PREX2: variants seen among roughly 807,000 people sequenced by gnomAD.
PREX2 encodes the protein phosphatidylinositol-3,4,5-trisphosphate dependent Rac exchange factor 2, also known as phosphatidylinositol 3,4,5-trisphosphate-dependent Rac exchanger 2 protein.
PREX2 carries 107 observed loss-of-function variants against 203.2 expected under a neutral mutation model. The observed-to-expected ratio is 0.53, with a 90% CI of 0.45 to 0.62. The LOEUF (loss-of-function observed/expected upper bound fraction) is 0.62, where lower values mean the gene tolerates loss of function less well. Among genes scored for constraint, PREX2 ranks in the 20% least tolerant of loss-of-function variants. The pLI is 0.00. For synonymous variants in PREX2, 672 were observed against 663.6 expected, an observed-to-expected ratio of 1.01 and a Z score of -0.19; for missense variants, 1,777 against 1,955.9, an observed-to-expected ratio of 0.91 and a Z score of 1.72.
At chr8:68,220,204 G>A (rs1812928252) in intron 38 of PREX2, 1 of 151,950 alleles carries the variant, frequency 6.6e-6, no homozygotes, top group South Asian at 2.1e-4. Context: ...TCATACAGTT[G>A]TTATTTTAAT....
chr8:68,080,072 A>C (rs370375662), intron 15 of PREX2, among the ~76,000 whole-genome samples: 1 of 152,332 alleles, frequency 6.6e-6, no homozygotes, highest in East Asian at 1.9e-4. Flanking sequence ...CTACAAATTG[A>C]AAACACCATA....
At chr8:68,159,394 T>C (rs1023201739) in intron 35 of PREX2, among the ~76,000 whole-genome samples, 3 of 152,200 alleles carry the variant, frequency 2.0e-5, no homozygotes, top group Non-Finnish European at 4.4e-5. Flanking sequence ...TGAATGGCCA[T>C]ATAGTCTCTT....
intron 33 of PREX2, 53 bp downstream of exon 33, chr8:68,138,570 A>T: frequency 2.4e-6 from 2 of 826,230 alleles, no homozygotes; most frequent in Non-Finnish European, 4.0e-6. Flanking sequence ...ATTATATATG[A>T]TATAACTTTG....
chr8:68,048,559 C>T (rs187648633), intron 8 of PREX2, among the ~76,000 whole-genome samples: 1 of 151,960 alleles, frequency 6.6e-6, no homozygotes, highest in Non-Finnish European at 1.5e-5. Flanking sequence ...ATATTTGAAA[C>T]TATTCTAATA....
intron 13 of PREX2, among the ~76,000 whole-genome samples, chr8:68,070,758 G>A (rs774692387): frequency 1.8e-4 from 27 of 151,962 alleles, no homozygotes; most frequent in Non-Finnish European, 3.1e-4. Context: ...AAGAAAATGC[G>A]AAGCTTAAAA....
At chr8:67,988,542 C>T (rs540551991) in intron 1 of PREX2, among the ~76,000 whole-genome samples, 39 of 152,292 alleles carry the variant, frequency 2.6e-4, no homozygotes, top group African/African-American at 9.1e-4. Flanking sequence ...CTCAGGTCTA[C>T]CTGACTCTTC....
intron 2 of PREX2, among the ~76,000 whole-genome samples, chr8:68,019,322 G>T (rs540522065): frequency 6.6e-6 from 1 of 152,204 alleles, no homozygotes; most frequent in African/African-American, 2.4e-5. Context: ...ACCTGGCTTG[G>T]GTTGGGCAAC....
intron 1 of PREX2, among the ~76,000 whole-genome samples, chr8:67,972,195 G>A (rs976730283): frequency 2.0e-5 from 3 of 152,186 alleles, no homozygotes; most frequent in Non-Finnish European, 2.9e-5. Context: ...GGCTGAATGA[G>A]TAATCGCCCT....
At chr8:68,067,155 A>T (rs1175444434) in intron 11 of PREX2, among the ~76,000 whole-genome samples, 1 of 152,102 alleles carries the variant, frequency 6.6e-6, no homozygotes, top group Non-Finnish European at 1.5e-5. Flanking sequence ...CAGTAATGTC[A>T]TGCCTTCAGC....
chr8:68,138,946 A>G (rs999131940), intron 33 of PREX2, among the ~76,000 whole-genome samples: 1 of 152,206 alleles, frequency 6.6e-6, no homozygotes, highest in Non-Finnish European at 1.5e-5. Flanking sequence ...AGTACAATAA[A>G]TAAGGACTCC....
In PREX2 at chr8:67,999,419, T is replaced by C. The variant is rs192962307; in HGVS notation, c.142-18427T>C. Among the ~76,000 whole-genome samples the C allele has an allele frequency of 2.8e-3, 334 of 120,528 alleles. 3 individuals carry two copies. In the Middle Eastern group the frequency reaches 0.035, roughly 13 times the overall value. The allele number at this position is 120,528 out of a possible 152,430, so 79.1% of individuals were successfully genotyped here. A position where few individuals can be genotyped will look rare whatever the true frequency, so the allele number is the denominator to read the frequency against. On this transcript the variant is annotated intron_variant, in intron 1 of 39. Transcript: ENST00000288368. ...AAGACTGAACCATGAAGAAATCGATTCCCTAAACAGACCAATAATGAGCTC... is the reference window on the plus strand; with the variant it reads ...AAGACTGAACCATGAAGAAATCGATCCCCTAAACAGACCAATAATGAGCTC...
At chr8:68,096,887 T>A (rs1159682665) in intron 21 of PREX2, 130 bp from the exon 22 acceptor site, 1 of 722,890 alleles carries the variant, frequency 1.4e-6, no homozygotes, top group African/African-American at 1.8e-5. Context: ...AATAGATGCT[T>A]CATTTAACAC....
chr8:68,008,916 A>G (rs2129609928), intron 1 of PREX2, among the ~76,000 whole-genome samples: 1 of 152,268 alleles, frequency 6.6e-6, no homozygotes, highest in Non-Finnish European at 1.5e-5. Context: ...TTTGTAAATT[A>G]CCTTTTCTCC....
At chr8:68,225,813 G>A (rs16934341) in intron 39 of PREX2, among the ~76,000 whole-genome samples, 4 of 152,088 alleles carry the variant, frequency 2.6e-5, no homozygotes, top group African/African-American at 4.8e-5. Flanking sequence ...TTTTACATAC[G>A]CATTCTCCAT....
chr8:68,230,959 CA>C (rs1813155383), intron 39 of PREX2, among the ~76,000 whole-genome samples: 1 of 152,070 alleles, frequency 6.6e-6, no homozygotes, highest in South Asian at 2.1e-4. Context: ...CATCTTGCTA[CA>C]AAATAATCAT....
chr8:68,230,063 C>T (rs372951029), intron 39 of PREX2, among the ~76,000 whole-genome samples: 1 of 151,204 alleles, frequency 6.6e-6, no homozygotes, highest in Non-Finnish European at 1.5e-5. Context: ...AACCACCTTC[C>T]GGACTTGAAA....
Position 68,217,669 on chromosome 8 carries a change from G to A in PREX2, c.4658G>A (p.Gly1553Glu). The change falls in exon 38 of 40, where the codon GGA (glycine) becomes GAA (glutamate). Residue 1553 changes from glycine (G) to glutamate (E), a missense_variant. Gly to Glu is a moderately conservative substitution (Grantham distance 98). Transcript: ENST00000288368. ...EQAIILARSHGLPPRYIMQAT... is the reference protein window; with the variant it reads ...EQAIILARSHELPPRYIMQAT... The stretch of plus-strand genomic sequence containing the variant: ...GCCATCATTCTGGCCAGAAGCCACG[G>A]ACTGCCACCTCGTTACATCATGCAG... 6.2e-7 allele frequency: 1 copy of A among 1,614,166 alleles called. No individual in the cohort carries two copies. Among genetic ancestry groups the A allele is most frequent in the East Asian group, 2.2e-5 (1 of 44,854 alleles).
At chr8:68,019,513 A>G (rs894675971) in intron 2 of PREX2, 36 bp from the exon 3 acceptor site, 3 of 1,571,384 alleles carry the variant, frequency 1.9e-6, no homozygotes, top group Non-Finnish European at 2.6e-6. Flanking sequence ...AAATTGCTTC[A>G]CTACTGAGCT....
chr8:68,022,388 G>C lies in PREX2; in HGVS notation c.441+248G>C, dbSNP rs188765760. Among the ~76,000 whole-genome samples the C allele has an allele frequency of 1.4e-4, 21 of 152,216 alleles. No individual in the cohort carries two copies. The Middle Eastern group carries it at 0.01, about 74-fold the overall frequency. On this transcript the variant is annotated intron_variant, in intron 4 of 39. Coordinates refer to ENST00000288368, the MANE Select transcript of PREX2 (RefSeq NM_024870.4). ...CTGTGAGACCCCACAGGTTCCTAGC[G>C]AGAGAGGAGCTTCTGCCAGAGTTCA...
Sources: gnomAD v4.1 joint callset for allele counts (sites outside exome capture counted in the v4.1 genomes callset) on GRCh38, gnomAD v4.1.1 for gene constraint, MANE v1.5 for transcripts, NCBI Gene and HGNC (gene_info 2026-07-23, HGNC 2026-07-21) for gene names.